Variants in TRAK1 observed in about 807,000 individuals in gnomAD.
TRAK1 encodes trafficking kinesin-binding protein 1.
Under a neutral mutation model 92.1 loss-of-function variants are expected in TRAK1, and 33 were observed. The observed-to-expected ratio is 0.36, with a 90% CI of 0.27 to 0.48. The LOEUF is 0.48. Ranked by LOEUF, TRAK1 falls within the 20% of genes least tolerant of loss-of-function variation. The pLI is 0.99. For synonymous variants in TRAK1, 521 were observed against 517.3 expected (o/e 1.01, Z -0.10); for missense variants, 1,123 against 1,257.9 (o/e 0.89, Z 1.62).
intron 1 of TRAK1, among the ~76,000 whole-genome samples, chr3:42,097,227 G>T (rs1706068013): frequency 6.6e-6 from 1 of 152,090 alleles, no homozygotes. Context: ...ATTCCCTATT[G>T]TAAGACAAGT....
At chr3:42,180,660 T>TA (rs1252314361) in intron 3 of TRAK1, among the ~76,000 whole-genome samples, 2 of 123,216 alleles carry the variant, frequency 1.6e-5, no homozygotes, top group African/African-American at 6.4e-5. Flanking sequence ...GCCTAGGCGA[T>TA]AGAGTGAGAC....
chr3:42,134,120 G>A (rs1200804938), intron 2 of TRAK1, among the ~76,000 whole-genome samples: 1 of 151,822 alleles, frequency 6.6e-6, no homozygotes, highest in Non-Finnish European at 1.5e-5. Flanking sequence ...TCAGCTGGTC[G>A]GCAGTATCAG....
At chr3:42,043,121 T>C (rs762471441) in intron 1 of TRAK1, among the ~76,000 whole-genome samples, 2 of 152,070 alleles carry the variant, frequency 1.3e-5, no homozygotes, top group Admixed American at 6.5e-5. Context: ...TCTGCAGACA[T>C]CTCCAAGCTT....
intron 12 of TRAK1, among the ~76,000 whole-genome samples, chr3:42,201,887 C>T (rs1298777779): frequency 2.1e-5 from 2 of 94,154 alleles, no homozygotes; most frequent in African/African-American, 3.6e-5. Context: ...CAGACGGACA[C>T]ACACACACAC....
rs1229614154 is a variant in TRAK1, at chr3:42,052,564, A to G, written c.-518-34540A>G. Among the ~76,000 whole-genome samples the G allele has an allele frequency of 2.0e-5, 3 of 152,192 alleles. No individual in the cohort carries two copies. In the South Asian group the frequency reaches 6.2e-4, roughly 32 times the overall value. On this transcript the variant is annotated intron_variant, in intron 1 of 16. Transcript: ENST00000487159. ...GCAGATTCAGCCTCTGATTTAGGAA[A>G]GTAGCCAATTGGAGCAAAAAGCATG...
chr3:42,015,892 C>T (rs958665255), intron 1 of TRAK1, among the ~76,000 whole-genome samples: 1 of 151,918 alleles, frequency 6.6e-6, no homozygotes, highest in Non-Finnish European at 1.5e-5. Flanking sequence ...CAAAAATTAG[C>T]TGGGCATGAT....
intron 1 of TRAK1, among the ~76,000 whole-genome samples, chr3:42,038,009 T>A (rs1702388553): frequency 6.6e-6 from 1 of 152,124 alleles, no homozygotes; most frequent in East Asian, 1.9e-4. Flanking sequence ...AAAGATACCA[T>A]CAGTCCTAGA....
chr3:42,164,072 AC>A (rs1486021566), intron 2 of TRAK1, among the ~76,000 whole-genome samples: 1 of 152,210 alleles, frequency 6.6e-6, no homozygotes, highest in African/African-American at 2.4e-5. Context: ...TTTGCTGGAA[AC>A]ACGTGTATCT....
chr3:42,073,451 A>T (rs1428705353), intron 1 of TRAK1, among the ~76,000 whole-genome samples: 3 of 152,190 alleles, frequency 2.0e-5, no homozygotes, highest in Non-Finnish European at 2.9e-5. Context: ...CAATTATTTG[A>T]GATAAACTTT....
intron 1 of TRAK1, among the ~76,000 whole-genome samples, chr3:42,025,795 G>A (rs920936788): frequency 2.0e-5 from 3 of 152,192 alleles, no homozygotes; most frequent in African/African-American, 7.2e-5. Context: ...GGGGACACCA[G>A]CTGTGCTATT....
At chr3:42,121,046 T>G (rs1329239338) in intron 1 of TRAK1, among the ~76,000 whole-genome samples, 3 of 152,184 alleles carry the variant, frequency 2.0e-5, no homozygotes, top group Non-Finnish European at 4.4e-5. Context: ...GGAGGGGAGA[T>G]CACAGCTTTT....
In TRAK1 at chr3:42,179,815, C is replaced by T. The variant is rs557192303; in HGVS notation, c.363+2925C>T. ...ACTAGTTCTTTTAATACCTTATTTC[C>T]AAGGGCCTAAATTACTTGTTTGTGG... On this transcript the variant is annotated intron_variant, in intron 3 of 15. Coordinates refer to ENST00000327628, the MANE Select transcript of TRAK1 (RefSeq NM_001042646.3). Among the ~76,000 whole-genome samples the T allele has an allele frequency of 1.3e-4, 20 of 152,250 alleles. No homozygotes were observed. The East Asian group carries it at 3.7e-3, about 28-fold the overall frequency.
At chr3:42,028,079 G>C (rs934848618) in intron 1 of TRAK1, among the ~76,000 whole-genome samples, 19 of 152,222 alleles carry the variant, frequency 1.2e-4, no homozygotes, top group African/African-American at 4.3e-4. Flanking sequence ...TCAAACTCCC[G>C]ACCTCAGGTG....
At chr3:42,108,348 AAGTGTGGTGCTGCCTGCCTGTAGTCCT>A (rs1209716128) in intron 1 of TRAK1, among the ~76,000 whole-genome samples, 2 of 151,892 alleles carry the variant, frequency 1.3e-5, no homozygotes, top group Non-Finnish European at 2.9e-5. Context: ...AAAATTAGCC[AAGTGTGGTGCTGCCTGCCTGTAGTCCT>A]AGCTACTTGG....
chr3:42,210,707 T>G (rs915580596), intron 14 of TRAK1: 1 of 987,668 alleles, frequency 1.0e-6, no homozygotes, highest in South Asian at 4.7e-5. Flanking sequence ...TCTTTTCAGC[T>G]TACACATGTG....
At chr3:42,059,249 A>T (rs909676219) in intron 1 of TRAK1, among the ~76,000 whole-genome samples, 1 of 151,924 alleles carries the variant, frequency 6.6e-6, no homozygotes, top group Non-Finnish European at 1.5e-5. Flanking sequence ...ATGCACCACT[A>T]TGTCTGGCTA....
At chr3:42,154,917 T>C (rs906015214) in intron 2 of TRAK1, among the ~76,000 whole-genome samples, 1 of 151,824 alleles carries the variant, frequency 6.6e-6, no homozygotes, top group Non-Finnish European at 1.5e-5. Flanking sequence ...GAACCAGACC[T>C]TGAAAGATAG....
intron 1 of TRAK1, among the ~76,000 whole-genome samples, chr3:42,049,831 T>C (rs1352581722): frequency 3.3e-5 from 5 of 152,216 alleles, no homozygotes; most frequent in African/African-American, 1.2e-4. Flanking sequence ...TCTGAAGGCA[T>C]TAATGATGAT....
chr3:42,162,173 T>G (rs1188895079), intron 2 of TRAK1, among the ~76,000 whole-genome samples: 2 of 152,106 alleles, frequency 1.3e-5, no homozygotes, highest in East Asian at 1.9e-4. Context: ...GATTCTAGAT[T>G]AAAGGCTATA....
Sources: gnomAD v4.1 joint callset for allele counts (sites outside exome capture counted in the v4.1 genomes callset) on GRCh38, gnomAD v4.1.1 for gene constraint, MANE v1.5 for transcripts, NCBI Gene and HGNC (gene_info 2026-07-23, HGNC 2026-07-21) for gene names.